Variants in NR2F1-AS1 observed in about 807,000 individuals in gnomAD.
The protein encoded by NR2F1-AS1 is NR2F1 regulatory antisense RNA 1.
upstream of NR2F1-AS1, among the ~76,000 whole-genome samples, chr5:93,581,714 CT>C (rs1753047972): frequency 1.4e-5 from 1 of 69,738 alleles, no homozygotes; most frequent in Non-Finnish European, 2.8e-5. Flanking sequence ...CTCTCTCTCT[CT>C]CTCTCTCTCT....
intron 4 of NR2F1-AS1, among the ~76,000 whole-genome samples, chr5:93,467,526 C>A (rs1750264931): frequency 6.6e-6 from 1 of 152,174 alleles, no homozygotes. Context: ...GTTGATTTGA[C>A]TTTAAGTCCC....
chr5:93,485,004 C>T (rs1750685243), intron 4 of NR2F1-AS1, among the ~76,000 whole-genome samples: 1 of 152,092 alleles, frequency 6.6e-6, no homozygotes, highest in African/African-American at 2.4e-5. Flanking sequence ...GAATCCCACA[C>T]AATAATACTG....
rs762968673 is a variant in NR2F1-AS1, at chr5:93,427,233, G to A, written n.639-31691C>T. 1.1e-3 allele frequency among the ~76,000 whole-genome samples: 174 copies of A among 152,042 alleles called. No homozygotes were observed. In the Middle Eastern group the frequency reaches 0.02, roughly 18 times the overall value. ...AACACACAATTATAAACTTTATATCGCTTCTAAAGGAAATATTGCCATTGA... is the reference window on the plus strand; with the variant it reads ...AACACACAATTATAAACTTTATATCACTTCTAAAGGAAATATTGCCATTGA... On this transcript the variant is annotated intron_variant and non_coding_transcript_variant, in intron 4 of 5. Transcript: ENST00000660523.
intron 4 of NR2F1-AS1, among the ~76,000 whole-genome samples, chr5:93,509,875 C>T (rs1405537867): frequency 2.0e-5 from 3 of 151,126 alleles, no homozygotes; most frequent in African/African-American, 4.9e-5. Flanking sequence ...ATCTTTATAC[C>T]TGTAGAGCTA....
intron 4 of NR2F1-AS1, among the ~76,000 whole-genome samples, chr5:93,439,823 G>A (rs964391238): frequency 8.5e-5 from 13 of 152,074 alleles, no homozygotes; most frequent in African/African-American, 2.9e-4. Flanking sequence ...AAGTAGCATT[G>A]GATGTCTTTC....
intron 4 of NR2F1-AS1, among the ~76,000 whole-genome samples, chr5:93,493,388 G>A (rs1298979165): frequency 4.0e-5 from 6 of 151,836 alleles, no homozygotes; most frequent in Admixed American, 1.3e-4. Context: ...ATAAAACATC[G>A]CTGAAAGAAA....
intron 4 of NR2F1-AS1, among the ~76,000 whole-genome samples, chr5:93,435,212 C>T (rs1043447938): frequency 2.6e-5 from 4 of 152,040 alleles, no homozygotes; most frequent in Non-Finnish European, 5.9e-5. Context: ...CAGTTAGTAT[C>T]CTACTCCCTT....
intron 4 of NR2F1-AS1, among the ~76,000 whole-genome samples, chr5:93,432,059 G>A (rs1008027573): frequency 1.3e-5 from 2 of 152,054 alleles, no homozygotes; most frequent in Admixed American, 6.6e-5. Flanking sequence ...TCCCTGCATA[G>A]ACTATATGCA....
intron 4 of NR2F1-AS1, among the ~76,000 whole-genome samples, chr5:93,483,448 C>T (rs185995359): frequency 1.3e-5 from 2 of 152,222 alleles, no homozygotes. Flanking sequence ...CCGAAGGTCA[C>T]CAACATCAAA....
intron 1 of NR2F1-AS1, among the ~76,000 whole-genome samples, chr5:93,573,040 G>C (rs897218701): frequency 2.0e-5 from 3 of 152,224 alleles, no homozygotes; most frequent in African/African-American, 2.4e-5. Flanking sequence ...AAGCGCCCTA[G>C]ACCCGCGGCC....
At chr5:93,566,248 A>G (rs770610459) in intron 1 of NR2F1-AS1, among the ~76,000 whole-genome samples, 158 of 152,170 alleles carry the variant, frequency 1.0e-3, no homozygotes, top group Middle Eastern at 3.4e-3. Flanking sequence ...ATGTAGATAT[A>G]TAATGGAAAC....
At chr5:93,419,922 C>T (rs1356278337) in intron 4 of NR2F1-AS1, among the ~76,000 whole-genome samples, 7 of 152,132 alleles carry the variant, frequency 4.6e-5, no homozygotes, top group Non-Finnish European at 4.4e-5. Flanking sequence ...TGGGGCCGGG[C>T]ATGGTGGCTC....
At chr5:93,503,767 A>G (rs1751130908) in intron 4 of NR2F1-AS1, among the ~76,000 whole-genome samples, 2 of 152,182 alleles carry the variant, frequency 1.3e-5, no homozygotes, top group Admixed American at 1.3e-4. Flanking sequence ...CTTGTTCCTG[A>G]GGGAATTAGG....
chr5:93,421,370 AAAAAAAAAAAGAGGG>A (rs1225921434), intron 4 of NR2F1-AS1, among the ~76,000 whole-genome samples: 1 of 151,894 alleles, frequency 6.6e-6, no homozygotes, highest in Non-Finnish European at 1.5e-5. Context: ...TTGAGTTAAA[AAAAAAAAAAAGAGGG>A]AAAAGCTTCG....
intron 4 of NR2F1-AS1, among the ~76,000 whole-genome samples, chr5:93,450,287 T>C (rs1749799139): frequency 6.6e-6 from 1 of 152,226 alleles, no homozygotes. Flanking sequence ...ATGTGTTGCT[T>C]CTGATTCATT....
chr5:93,466,954 G>C (rs1750251775), intron 4 of NR2F1-AS1, among the ~76,000 whole-genome samples: 1 of 144,708 alleles, frequency 6.9e-6, no homozygotes, highest in Admixed American at 7.1e-5. Flanking sequence ...AGGCTGGAGT[G>C]TAGTGGCACA....
At chr5:93,507,102 A>G (rs988496345) in intron 4 of NR2F1-AS1, among the ~76,000 whole-genome samples, 1 of 152,214 alleles carries the variant, frequency 6.6e-6, no homozygotes, top group Non-Finnish European at 1.5e-5. Context: ...GAGAAAAACC[A>G]TAAGATCATT....
intron 1 of NR2F1-AS1, among the ~76,000 whole-genome samples, chr5:93,574,259 A>G (rs1752844229): frequency 6.6e-6 from 1 of 152,208 alleles, no homozygotes; most frequent in Non-Finnish European, 1.5e-5. Flanking sequence ...GGGAGGAGGC[A>G]CCCGACTGGG....
At chr5:93,443,772 A>C (rs1328139450) in intron 4 of NR2F1-AS1, among the ~76,000 whole-genome samples, 1 of 152,220 alleles carries the variant, frequency 6.6e-6, no homozygotes, top group East Asian at 1.9e-4. Context: ...GTTGAAATGA[A>C]GGAAAAAATA....
Sources: allele counts gnomAD v4.1 joint callset (sites outside exome capture counted in the v4.1 genomes callset), GRCh38; gene constraint gnomAD v4.1.1; transcripts MANE v1.5; gene names NCBI Gene and HGNC (gene_info 2026-07-23, HGNC 2026-07-21).